Variants in PCDH15 observed in about 807,000 individuals in gnomAD.
PCDH15 encodes the protein protocadherin related 15, also known as protocadherin-15.
PCDH15 carries 129 observed loss-of-function variants against 178.5 expected under a neutral mutation model. The observed-to-expected ratio is 0.72, with a 90% confidence interval of 0.63 to 0.84. The LOEUF is 0.84. Among genes scored for constraint, PCDH15 ranks in the 40% least tolerant of loss-of-function variants. The pLI, the probability that PCDH15 is intolerant of heterozygous loss-of-function variation, is 0.00. For synonymous variants in PCDH15, 800 were observed against 732.0 expected (o/e 1.09, Z -1.50); for missense variants, 2,230 against 2,099.9 (o/e 1.06, Z -1.21).
intron 21 of PCDH15, among the ~76,000 whole-genome samples, chr10:53,977,994 G>A (rs2090330214): frequency 6.6e-6 from 1 of 152,182 alleles, no homozygotes; most frequent in South Asian, 2.1e-4. Context: ...TGGCTTTGCA[G>A]TGTATAGCCC....
intron 18 of PCDH15, among the ~76,000 whole-genome samples, chr10:54,024,620 C>T (rs1206900594): frequency 6.6e-6 from 1 of 152,162 alleles, no homozygotes; most frequent in Admixed American, 6.6e-5. Flanking sequence ...CATCAAAACA[C>T]AACTGCCCCT....
chr10:54,620,908 A>T (rs918460566), intron 2 of PCDH15, among the ~76,000 whole-genome samples: 4 of 152,014 alleles, frequency 2.6e-5, no homozygotes, highest in African/African-American at 4.8e-5. Context: ...CCTGAAACAT[A>T]AAAGAAGATT....
At chr10:54,618,895 GA>G (rs1028768007) in intron 2 of PCDH15, among the ~76,000 whole-genome samples, 4 of 150,964 alleles carry the variant, frequency 2.6e-5, no homozygotes, top group South Asian at 2.1e-4. Context: ...ATTCCATATG[GA>G]AAAAAAAATT....
intron 2 of PCDH15, among the ~76,000 whole-genome samples, chr10:55,396,992 A>C (rs992871342): frequency 2.0e-5 from 3 of 152,174 alleles, no homozygotes; most frequent in African/African-American, 7.2e-5. Context: ...GTATCCTTAG[A>C]AATAGAATGT....
intron 1 of PCDH15, among the ~76,000 whole-genome samples, chr10:54,742,753 A>G (rs535763130): frequency 2.6e-5 from 4 of 152,096 alleles, no homozygotes; most frequent in Admixed American, 2.6e-4. Flanking sequence ...GTACTTTCCT[A>G]ATGTCATGGT....
At chr10:54,465,209 T>G (rs1469484901) in intron 3 of PCDH15, among the ~76,000 whole-genome samples, 2 of 152,232 alleles carry the variant, frequency 1.3e-5, no homozygotes, top group South Asian at 2.1e-4. Context: ...AATGATCATG[T>G]CATAGTATTT....
At chr10:55,594,742 G>C (rs1842907219) in intron 2 of PCDH15, among the ~76,000 whole-genome samples, 2 of 151,970 alleles carry the variant, frequency 1.3e-5, no homozygotes. Context: ...ACTCGATGTT[G>C]AAATATAAAT....
At chr10:54,695,376 G>A (rs1468818650) in intron 1 of PCDH15, among the ~76,000 whole-genome samples, 3 of 152,144 alleles carry the variant, frequency 2.0e-5, no homozygotes, top group Non-Finnish European at 4.4e-5. Flanking sequence ...ACAGGAAGCT[G>A]CAGATGTTTG....
At chr10:55,329,060 G>T (rs1844124286) in intron 2 of PCDH15, among the ~76,000 whole-genome samples, 1 of 148,210 alleles carries the variant, frequency 6.7e-6, no homozygotes, top group South Asian at 2.1e-4. Context: ...TGAAGTAATG[G>T]GTTATTGAAA....
chr10:55,297,136 A>G (rs1843153130), intron 1 of PCDH15, among the ~76,000 whole-genome samples: 1 of 152,246 alleles, frequency 6.6e-6, no homozygotes, highest in East Asian at 1.9e-4. Flanking sequence ...GTAGCAAAAA[A>G]TAAGCATTAT....
At chr10:54,093,950 A>AT (rs766376678) in intron 15 of PCDH15, among the ~76,000 whole-genome samples, 17 of 152,162 alleles carry the variant, frequency 1.1e-4, no homozygotes, top group Non-Finnish European at 2.5e-4. Flanking sequence ...TTATGTGCTT[A>AT]TTTTTGATAA....
At position 55,148,389 on chromosome 10, in the gene PCDH15, A is replaced by T. The variant is rs543688336; in HGVS notation, c.-80+18187T>A. 1.1e-3 allele frequency among the ~76,000 whole-genome samples: 172 copies of T among 152,056 alleles called. 1 individual carries two copies. The highest frequency in any genetic ancestry group is 9.9e-4 in the Admixed American group (15 of 15,228). Reference sequence around the variant, plus strand: ...ATAAATCAAGTAGAGATTAAAGCTCATTGACAAATTCTTAACATTTTTCTG... The same window carrying T: ...ATAAATCAAGTAGAGATTAAAGCTCTTTGACAAATTCTTAACATTTTTCTG... On this transcript the variant is annotated intron_variant, in intron 2 of 5. Transcript: ENST00000458638.
chr10:55,307,580 T>A (rs1044653138), intron 1 of PCDH15, among the ~76,000 whole-genome samples: 1 of 152,010 alleles, frequency 6.6e-6, no homozygotes, highest in Non-Finnish European at 1.5e-5. Context: ...ATACATTTTA[T>A]CTTTTCTTTT....
chr10:54,101,094 G>A (rs1008035313), intron 15 of PCDH15, among the ~76,000 whole-genome samples: 3 of 152,078 alleles, frequency 2.0e-5, no homozygotes, highest in Non-Finnish European at 2.9e-5. Flanking sequence ...CCTGGGGGCA[G>A]GTCATTCCCA....
At chr10:55,159,388 T>TATATATATACAC (rs1465817928) in intron 2 of PCDH15, among the ~76,000 whole-genome samples, 2 of 19,320 alleles carry the variant, frequency 1.0e-4, no homozygotes, top group African/African-American at 1.7e-4. Flanking sequence ...TATATATATA[T>TATATATATACAC]ACACACATAC....
At chr10:54,886,279 C>T (rs964400685) in intron 3 of PCDH15, among the ~76,000 whole-genome samples, 1 of 152,070 alleles carries the variant, frequency 6.6e-6, no homozygotes, top group African/African-American at 2.4e-5. Context: ...ACGAATTTTC[C>T]ACCATCCAGA....
chr10:54,282,537 T>G (rs1455956760), intron 8 of PCDH15, among the ~76,000 whole-genome samples: 2 of 152,104 alleles, frequency 1.3e-5, no homozygotes, highest in African/African-American at 4.8e-5. Flanking sequence ...AAATGTATAT[T>G]TAACAGTATA....
intron 3 of PCDH15, among the ~76,000 whole-genome samples, chr10:54,478,978 C>T (rs1458610651): frequency 1.3e-5 from 2 of 148,484 alleles, no homozygotes; most frequent in Admixed American, 6.8e-5. Context: ...GCACAATATG[C>T]TCTACCTGAG....
chr10:54,853,683 G>A (rs578249165), intron 3 of PCDH15, among the ~76,000 whole-genome samples: 1 of 151,788 alleles, frequency 6.6e-6, no homozygotes, highest in East Asian at 1.9e-4. Context: ...GCATTTGGCA[G>A]CAAAACTTGA....
Sources: gnomAD v4.1 joint callset for allele counts (sites outside exome capture counted in the v4.1 genomes callset) on GRCh38, gnomAD v4.1.1 for gene constraint, MANE v1.5 for transcripts, NCBI Gene and HGNC (gene_info 2026-07-23, HGNC 2026-07-21) for gene names.